PPP4R4: variants seen among roughly 807,000 people sequenced by gnomAD.
The protein encoded by PPP4R4 is serine/threonine-protein phosphatase 4 regulatory subunit 4.
Under a neutral mutation model 121.8 loss-of-function variants are expected in PPP4R4, and 70 were observed. That is an observed-to-expected ratio of 0.57 (90% confidence interval 0.47 to 0.70). The LOEUF (loss-of-function observed/expected upper bound fraction) is 0.70. Among genes scored for constraint, PPP4R4 ranks in the 30% least tolerant of loss-of-function variants. PPP4R4 has a pLI of 0.00. For synonymous variants in PPP4R4, 348 were observed against 355.7 expected (o/e 0.98, Z 0.24); for missense variants, 875 against 1,033.6 (o/e 0.85, Z 2.10).
rs779218003 is a variant in PPP4R4, at chr14:94,265,857, C to A, written c.2348C>A (p.Ala783Glu). The A allele has an allele frequency of 1.2e-6, 2 of 1,604,686 alleles. No individual in the cohort carries two copies. The highest frequency in any genetic ancestry group is 2.2e-5 in the South Asian group (2 of 90,500). The stretch of plus-strand genomic sequence containing the variant: ...TCTTTTAATAATCAAGCTTTTCATG[C>A]AAAATATGGCAACTTAGAGAAATGT... ...SQSFNNQAFH[A>E]KYGNLEKCAS... Residue 783 changes from alanine to glutamate, a missense_variant, in exon 22 of 25, where the codon GCA becomes GAA. Ala to Glu is a moderately radical substitution (Grantham distance 107, BLOSUM62 -1). Coordinates refer to ENST00000304338, the MANE Select transcript of PPP4R4 (RefSeq NM_058237.2).
intron 23 of PPP4R4, among the ~76,000 whole-genome samples, chr14:94,272,138 A>G (rs1410672597): frequency 6.6e-6 from 1 of 152,236 alleles, no homozygotes; most frequent in African/African-American, 2.4e-5. Context: ...CCAACAAGTT[A>G]TTTGGTGGAT....
chr14:94,261,026 A>C (rs892615581), intron 19 of PPP4R4, among the ~76,000 whole-genome samples: 1 of 152,086 alleles, frequency 6.6e-6, no homozygotes, highest in Non-Finnish European at 1.5e-5. Flanking sequence ...CATTTATTCC[A>C]GCACCATTTG....
At chr14:94,263,923 C>T (rs1048011718) in intron 19 of PPP4R4, among the ~76,000 whole-genome samples, 24 of 152,072 alleles carry the variant, frequency 1.6e-4, no homozygotes, top group Admixed American at 2.6e-4. Context: ...TATTTATTCT[C>T]CACTTGTTGA....
chr14:94,205,349 C>G (rs1056425427), intron 2 of PPP4R4, among the ~76,000 whole-genome samples: 1 of 152,006 alleles, frequency 6.6e-6, no homozygotes, highest in Non-Finnish European at 1.5e-5. Flanking sequence ...ATAGCATTCA[C>G]TTATTATCCT....
chr14:94,256,988 G>A (rs1036454963), intron 17 of PPP4R4, among the ~76,000 whole-genome samples: 7 of 152,128 alleles, frequency 4.6e-5, no homozygotes, highest in Admixed American at 2.0e-4. Context: ...ATCCCTGGAA[G>A]GGCCCTTTGA....
At chr14:94,235,049 G>A (rs1892258548) in intron 7 of PPP4R4, among the ~76,000 whole-genome samples, 1 of 152,184 alleles carries the variant, frequency 6.6e-6, no homozygotes, top group South Asian at 2.1e-4. Context: ...ATCTGAGGAT[G>A]CTCAAGTCTC....
chr14:94,266,064 C>A (rs967229484), intron 22 of PPP4R4, among the ~76,000 whole-genome samples, 177 bp downstream of exon 22: 4 of 152,002 alleles, frequency 2.6e-5, no homozygotes, highest in African/African-American at 4.8e-5. Context: ...AGACCTCCAA[C>A]AATTTTCACA....
At position 94,235,036 on chromosome 14, in the gene PPP4R4, A is replaced by G. The variant is rs116223701; in HGVS notation, c.731+367A>G. 5.8e-3 allele frequency among the ~76,000 whole-genome samples: 890 copies of G among 152,340 alleles called. 10 individuals are homozygous for G. The highest frequency in any genetic ancestry group is 0.02 in the African/African-American group (852 of 41,584). On this transcript the variant is annotated intron_variant, in intron 7 of 24. Coordinates refer to ENST00000304338, the MANE Select transcript of PPP4R4 (RefSeq NM_058237.2). Reference sequence around the variant, plus strand: ...GGTTCCAGGACCTCTTTTGGATACCAAAATCTGAGGATGCTCAAGTCTCTG... The same window carrying G: ...GGTTCCAGGACCTCTTTTGGATACCGAAATCTGAGGATGCTCAAGTCTCTG...
At chr14:94,265,748 G>A (rs372064739) in intron 21 of PPP4R4, 46 bp from the exon 22 acceptor site, 12 of 1,376,904 alleles carry the variant, frequency 8.7e-6, no homozygotes, top group African/African-American at 2.9e-5. Context: ...TGGAGCAGCC[G>A]AGGATGAACT....
intron 3 of PPP4R4, among the ~76,000 whole-genome samples, chr14:94,217,063 C>G (rs1420323528): frequency 1.3e-5 from 2 of 152,132 alleles, no homozygotes. Context: ...ATTCCTGAGG[C>G]CCAGGCTCAA....
intron 3 of PPP4R4, among the ~76,000 whole-genome samples, chr14:94,225,823 A>G: frequency 6.6e-6 from 1 of 152,148 alleles, no homozygotes; most frequent in Non-Finnish European, 1.5e-5. Flanking sequence ...AGAGATTAGG[A>G]TAGAAGGTGA....
At chr14:94,181,252 GAA>G (rs369764319) in intron 2 of PPP4R4, among the ~76,000 whole-genome samples, 3 of 151,946 alleles carry the variant, frequency 2.0e-5, no homozygotes, top group African/African-American at 7.3e-5. Context: ...GTGAGAGAGA[GAA>G]AGAGAGAGGA....
chr14:94,264,135 CT>C (rs1463770514), intron 19 of PPP4R4, among the ~76,000 whole-genome samples: 1 of 152,032 alleles, frequency 6.6e-6, no homozygotes, highest in Non-Finnish European at 1.5e-5. Flanking sequence ...AATTTGTGTA[CT>C]TTCTTTATAC....
chr14:94,210,003 C>T (rs1209057654), intron 3 of PPP4R4, among the ~76,000 whole-genome samples: 4 of 151,890 alleles, frequency 2.6e-5, no homozygotes, highest in Non-Finnish European at 5.9e-5. Context: ...GTAACAGCTC[C>T]CCCAAAACCT....
At chr14:94,251,922 T>C (rs1373510019) in intron 16 of PPP4R4, 26 bp downstream of exon 16, 1 of 1,541,946 alleles carries the variant, frequency 6.5e-7, no homozygotes, top group Non-Finnish European at 8.8e-7. Context: ...AGGAAAATAT[T>C]GGAAATTGTA....
intron 19 of PPP4R4, 75 bp from the exon 20 acceptor site, chr14:94,264,803 T>A: frequency 9.0e-7 from 1 of 1,109,684 alleles, no homozygotes; most frequent in Non-Finnish European, 1.3e-6. Context: ...GAATCTCTAA[T>A]GCTTAATTTC....
intron 2 of PPP4R4, among the ~76,000 whole-genome samples, chr14:94,186,935 T>G (rs1269911726): frequency 6.6e-6 from 1 of 152,238 alleles, no homozygotes; most frequent in African/African-American, 2.4e-5. Context: ...ATTTTGAAAC[T>G]GTGTGGTGAA....
chr14:94,200,609 A>G (rs1270818903), intron 2 of PPP4R4, among the ~76,000 whole-genome samples: 1 of 152,002 alleles, frequency 6.6e-6, no homozygotes, highest in African/African-American at 2.4e-5. Context: ...TAGGTTTTCT[A>G]CTTTGTGTGC....
chr14:94,219,698 A>G lies in PPP4R4; in HGVS notation c.295-10889A>G, dbSNP rs575679663. Among the ~76,000 whole-genome samples the G allele has an allele frequency of 1.6e-4, 24 of 152,334 alleles. No homozygotes were observed. In the East Asian group the frequency reaches 4.2e-3, roughly 27 times the overall value. ...AAGATTGTTTCAAAATTTAAAAACT[A>G]GTCAGTATAAATCTTGTCAGAAACC... On this transcript the variant is annotated intron_variant, in intron 3 of 24. Transcript: ENST00000304338.
Sources: allele counts gnomAD v4.1 joint callset (sites outside exome capture counted in the v4.1 genomes callset), GRCh38; gene constraint gnomAD v4.1.1; transcripts MANE v1.5; gene names NCBI Gene and HGNC (gene_info 2026-07-23, HGNC 2026-07-21).